RNF130: variants seen among roughly 807,000 people sequenced by gnomAD.
RNF130 encodes ring finger protein 130.
A neutral mutation model predicts 44.6 loss-of-function variants in RNF130; 21 were observed. That is an observed-to-expected ratio of 0.47 (90% CI 0.33 to 0.68). The LOEUF (loss-of-function observed/expected upper bound fraction) is 0.68, where lower values mean the gene tolerates loss of function less well. RNF130 is among the 30% of genes least tolerant of loss of function. RNF130 has a pLI of 0.02. For missense variants in RNF130, 479 were observed against 560.6 expected, an observed-to-expected ratio of 0.85 and a Z score of 1.47; for synonymous variants, 214 against 210.4, an observed-to-expected ratio of 1.02 and a Z score of -0.15.
chr5:179,987,193 G>T (rs1762974608), intron 3 of RNF130, among the ~76,000 whole-genome samples: 1 of 151,586 alleles, frequency 6.6e-6, no homozygotes, highest in African/African-American at 2.4e-5. Flanking sequence ...TAGAGACAGG[G>T]TCCCTGCTCT....
intron 3 of RNF130, among the ~76,000 whole-genome samples, chr5:180,007,988 GTTTTTTT>G (rs371751598): frequency 7.7e-6 from 1 of 129,890 alleles, no homozygotes; most frequent in Admixed American, 8.0e-5. Context: ...AAATCTTTTA[GTTTTTTT>G]TTTTTTTTTT....
intron 3 of RNF130, among the ~76,000 whole-genome samples, chr5:180,003,813 C>A (rs545087732): frequency 6.6e-6 from 1 of 152,278 alleles, no homozygotes; most frequent in East Asian, 1.9e-4. Context: ...CACCTAAACA[C>A]CATGCCATTA....
chr5:179,934,492 C>T (rs1228325002), intron 7 of RNF130, among the ~76,000 whole-genome samples: 2 of 149,602 alleles, frequency 1.3e-5, no homozygotes, highest in Non-Finnish European at 3.0e-5. Flanking sequence ...TAATTTTATT[C>T]GTCATTTTAA....
At chr5:180,008,821 T>C (rs1362011249) in intron 3 of RNF130, among the ~76,000 whole-genome samples, 3 of 151,490 alleles carry the variant, frequency 2.0e-5, no homozygotes, top group Non-Finnish European at 2.9e-5. Context: ...GAGGTGGAGG[T>C]TGCAGTGAGC....
chr5:179,970,480 T>C lies in RNF130; in HGVS notation c.875A>G (p.Asp292Gly). Residue 292 changes from aspartate to glycine, a missense_variant, in exon 6 of 9, where the codon GAT becomes GGT. By Grantham distance (94) the Asp-to-Gly change is moderately conservative. Around this residue, in one of 3 missense-constraint regions of RNF130, gnomAD observed 180 missense variants for 275.1 expected, o/e 0.65. Coordinates refer to ENST00000521389, the MANE Select transcript of RNF130 (RefSeq NM_018434.6). ...GGTACAATGTTCACTAAGCCAGGGA[T>C]CCACGCAGGATTTGTGGAAAACATG... ...CKHVFHKSCV[D>G]PWLSEHCTCP... The C allele has an allele frequency of 6.2e-7, 1 of 1,613,606 alleles. No homozygotes were observed. The highest frequency in any genetic ancestry group is 8.5e-7 in the Non-Finnish European group (1 of 1,179,734).
rs532435351 is a variant in RNF130 at position 179,947,549 on chromosome 5, C to T, written c.1150+19257G>A. ...GCCAGCTTATGTGTTGAAATCCAGC[C>T]TCTGCTACTTACCAGCAGGGCAACC... On this transcript the variant is annotated intron_variant, in intron 7 of 7. Transcript: ENST00000522208. Among the ~76,000 whole-genome samples, 15 of 152,330 alleles carry T rather than the reference C, an allele frequency of 9.8e-5. 1 individual carries two copies. The South Asian group carries it at 3.1e-3, about 32-fold the overall frequency.
At chr5:179,969,566 A>C (rs1762533534) in intron 6 of RNF130, among the ~76,000 whole-genome samples, 1 of 151,942 alleles carries the variant, frequency 6.6e-6, no homozygotes, top group Non-Finnish European at 1.5e-5. Context: ...CAACAGAAGC[A>C]CCCTTTTAAA....
intron 3 of RNF130, among the ~76,000 whole-genome samples, chr5:179,984,784 T>C (rs958901877): frequency 5.3e-5 from 8 of 152,180 alleles, no homozygotes; most frequent in African/African-American, 1.4e-4. Flanking sequence ...GCCTTTTCCA[T>C]ATAAGTTAAG....
chr5:180,047,226 G>A (rs1764585813), intron 1 of RNF130, among the ~76,000 whole-genome samples: 1 of 151,724 alleles, frequency 6.6e-6, no homozygotes, highest in Non-Finnish European at 1.5e-5. Flanking sequence ...ATTTTCCTTT[G>A]TCAAATTCTA....
intron 2 of RNF130, among the ~76,000 whole-genome samples, chr5:180,013,690 C>T (rs1009629883): frequency 9.2e-5 from 14 of 152,096 alleles, no homozygotes; most frequent in Non-Finnish European, 1.6e-4. Context: ...CACTGTAAAA[C>T]CTTTTCTATT....
chr5:180,071,634 C>A lies in RNF130; in HGVS notation c.69G>T (p.Trp23Cys). 1 of 1,497,908 alleles carries A rather than the reference C, an allele frequency of 6.7e-7. No homozygotes were observed. Among genetic ancestry groups the A allele is most frequent in the Non-Finnish European group, 8.9e-7 (1 of 1,123,126 alleles). The allele number at this position is 1,497,908 out of a possible 1,614,324, so 92.8% of individuals were successfully genotyped here. ...GGCTCGCGTTGTCTGCCCGTGCCGG[C>A]CACAGGCTGCAGGTCAGCAGGGCGA... ...AALALLTCSL[W>C]PARADNASQE... The change falls in exon 1 of 9, where the codon TGG becomes TGT. Residue 23 changes from tryptophan (W) to cysteine (C), a missense_variant. Physicochemically the swap from Trp to Cys is radical, Grantham distance 215. This residue lies in a region of RNF130 where 138 missense variants were observed against 126.9 expected (regional missense o/e 1.09). Transcript: ENST00000521389.
chr5:179,966,853 T>C lies in RNF130; in HGVS notation c.1103A>G (p.Asp368Gly). 1 of 1,614,114 alleles carries C rather than the reference T, an allele frequency of 6.2e-7. No homozygotes were observed. The highest frequency in any genetic ancestry group is 8.5e-7 in the Non-Finnish European group (1 of 1,180,014). Residue 368 changes from aspartate (D) to glycine (G), a missense_variant, in exon 7 of 9, where the codon GAT becomes GGT. By Grantham distance (94) the Asp-to-Gly change is moderately conservative. Transcript: ENST00000521389. ...TCCTGTTCTCGGAGTGAGCTCCCCATCCTGAGGAAGAGGTGAGATCCCCGA... is the reference window on the plus strand; with the variant it reads ...TCCTGTTCTCGGAGTGAGCTCCCCACCCTGAGGAAGAGGTGAGATCCCCGA... ...RTSGISPLPQ[D>G]GELTPRTGEI...
At chr5:179,974,883 G>A (rs575520142) in intron 5 of RNF130, among the ~76,000 whole-genome samples, 66 of 152,342 alleles carry the variant, frequency 4.3e-4, no homozygotes, top group Admixed American at 1.2e-3. Flanking sequence ...CGGCCTCTCC[G>A]GCCTGCGCAC....
intron 7 of RNF130, among the ~76,000 whole-genome samples, chr5:179,946,593 G>T (rs1461208727): frequency 4.7e-4 from 69 of 146,318 alleles, no homozygotes; most frequent in Non-Finnish European, 1.8e-4. Flanking sequence ...TCGCTCTGTC[G>T]CCCAGGCTGG....
chr5:179,996,851 T>C (rs1352115708), intron 3 of RNF130, among the ~76,000 whole-genome samples: 1 of 152,256 alleles, frequency 6.6e-6, no homozygotes, highest in Non-Finnish European at 1.5e-5. Context: ...AAGAGTTCCC[T>C]TCTCTTCAGT....
chr5:179,969,549 C>G (rs759492182), intron 6 of RNF130, among the ~76,000 whole-genome samples: 3 of 152,182 alleles, frequency 2.0e-5, no homozygotes, highest in Middle Eastern at 3.4e-3. Flanking sequence ...ATCCCATACT[C>G]ATCGACCAAC....
intron 3 of RNF130, among the ~76,000 whole-genome samples, chr5:180,006,556 C>T (rs940032163): frequency 1.3e-5 from 2 of 152,086 alleles, no homozygotes; most frequent in Admixed American, 1.3e-4. Flanking sequence ...ATTTTAAATA[C>T]CTTAAAAAGC....
At position 179,946,625 on chromosome 5, in the gene RNF130, C is replaced by T. The variant is rs558962774; in HGVS notation, c.1150+20181G>A. 1.0e-3 allele frequency among the ~76,000 whole-genome samples: 155 copies of T among 150,326 alleles called. 1 individual carries two copies. The highest frequency in any genetic ancestry group is 2.0e-3 in the Non-Finnish European group (134 of 67,866). On this transcript the variant is annotated intron_variant, in intron 7 of 7. Transcript: ENST00000522208. ...CTGGAGTGCAGTGGTGTGATCTTGGCTCACTGCAAGCTCCGCCTCCCGGGT... is the reference window on the plus strand; with the variant it reads ...CTGGAGTGCAGTGGTGTGATCTTGGTTCACTGCAAGCTCCGCCTCCCGGGT...
exon 8 of RNF130, chr5:179,919,164 C>T (rs1761592895): frequency 6.6e-6 from 1 of 152,132 alleles, no homozygotes. Context: ...ATAAATTTGC[C>T]CATAGTGGTT....
Sources: allele counts gnomAD v4.1 joint callset (sites outside exome capture counted in the v4.1 genomes callset), GRCh38; gene constraint gnomAD v4.1.1; regional missense constraint gnomAD v4.1.1; transcripts MANE v1.5; gene names NCBI Gene and HGNC (gene_info 2026-07-23, HGNC 2026-07-21).